Variants in FGD3 observed in about 807,000 individuals in gnomAD.
The protein encoded by FGD3 is FYVE, RhoGEF and PH domain containing 3.
A neutral mutation model predicts 71.8 loss-of-function variants in FGD3; 45 were observed. That is an observed-to-expected ratio of 0.63 (90% CI 0.49 to 0.80). The LOEUF is 0.80. Among genes scored for constraint, FGD3 ranks in the 30% least tolerant of loss-of-function variants. FGD3 has a pLI of 0.00. For missense variants in FGD3, 844 were observed against 951.5 expected (o/e 0.89, Z 1.49); for synonymous variants, 378 against 392.8 (o/e 0.96, Z 0.44).
chr9:93,034,689 T>A lies in FGD3; in HGVS notation c.1926+8T>A. On this transcript the variant is annotated splice_region_variant and intron_variant, in intron 17 of 17. Transcript: ENST00000375482. ...CTGCAGGGAGGCAGCCAGGTACGTG[T>A]CCCCACCCCACCAGGCCCTCAGGCC... The A allele has an allele frequency of 6.2e-7, 1 of 1,610,854 alleles. No individual in the cohort carries two copies. Among genetic ancestry groups the A allele is most frequent in the South Asian group, 1.1e-5 (1 of 90,714 alleles).
intron 14 of FGD3, among the ~76,000 whole-genome samples, chr9:93,023,872 G>T (rs1198819782): frequency 7.1e-6 from 1 of 141,238 alleles, no homozygotes; most frequent in African/African-American, 2.7e-5. Context: ...CACAATCTCA[G>T]CTCACTGCAA....
At chr9:92,957,237 A>T (rs1432890020) in intron 1 of FGD3, among the ~76,000 whole-genome samples, 2 of 152,230 alleles carry the variant, frequency 1.3e-5, no homozygotes, top group African/African-American at 4.8e-5. Flanking sequence ...TTGCTGGGTC[A>T]TAGAGAAGGT....
At chr9:92,982,741 T>C (rs1860045380) in intron 3 of FGD3, among the ~76,000 whole-genome samples, 1 of 152,052 alleles carries the variant, frequency 6.6e-6, no homozygotes, top group Admixed American at 6.6e-5. Context: ...TCCAACGTTA[T>C]CAGAAACCTG....
rs113145792 is a variant in FGD3, at chr9:93,010,369, C to T, written c.961C>T (p.Arg321Trp). 1.5e-3 allele frequency: 2,360 copies of T among 1,610,374 alleles called. 3 individuals carry two copies. The highest frequency in any genetic ancestry group is 1.4e-3 in the Non-Finnish European group (1,662 of 1,177,362). The change falls in exon 7 of 18, where the codon CGG (arginine) becomes TGG (tryptophan). Residue 321 changes from arginine to tryptophan, a missense_variant. Physicochemically the swap from Arg to Trp is moderately radical, Grantham distance 101. Coordinates refer to ENST00000375482, the MANE Select transcript of FGD3 (RefSeq NM_001083536.2). Reference sequence around the variant, plus strand: ...GAGGCTCCCGCAGGACGCCCCAGACCGGAAGGATGCGGAGAGTGAGCTGGG... The same window carrying T: ...GAGGCTCCCGCAGGACGCCCCAGACTGGAAGGATGCGGAGAGTGAGCTGGG... ...LKRLPQDAPD[R>W]KDAERSLELI...
chr9:93,032,883 C>T lies in FGD3; in HGVS notation c.1785+10C>T, dbSNP rs935605013. On this transcript the variant is annotated intron_variant, in intron 16 of 17. Transcript: ENST00000375482. ...CCCTGAGAGCACAGAGGTGGGTGCT[C>T]CCAGCTCCTGCTCCCCTCCTGGTGG... 17 of 1,612,582 alleles carry T rather than the reference C, an allele frequency of 1.1e-5. No homozygotes were observed. The highest frequency in any genetic ancestry group is 1.4e-5 in the Non-Finnish European group (16 of 1,178,670).
chr9:92,966,867 T>A (rs959087977), intron 1 of FGD3, among the ~76,000 whole-genome samples: 2 of 152,238 alleles, frequency 1.3e-5, no homozygotes, highest in African/African-American at 2.4e-5. Context: ...AAACTTCTCA[T>A]GAGAATCTTC....
chr9:93,004,363 C>T (rs1243640620), intron 5 of FGD3, among the ~76,000 whole-genome samples: 2 of 152,184 alleles, frequency 1.3e-5, no homozygotes, highest in East Asian at 1.9e-4. Context: ...GCAGATGATG[C>T]GGAATGAAGG....
intron 1 of FGD3, among the ~76,000 whole-genome samples, chr9:92,956,831 T>C (rs2118504771): frequency 7.4e-6 from 1 of 135,644 alleles, no homozygotes; most frequent in South Asian, 2.6e-4. Context: ...ATATAATTGC[T>C]TTCTTTCTTT....
rs1360797182 is a variant in FGD3 at position 93,020,630 on chromosome 9, T to A, written c.1494+206T>A. On this transcript the variant is annotated intron_variant, in intron 13 of 17. Coordinates refer to ENST00000375482, the MANE Select transcript of FGD3 (RefSeq NM_001083536.2). ...CAATTTAATTGAGCAAACAACTATTTGTGGATGGGATAACACCCACCCCCT... is the reference window on the plus strand; with the variant it reads ...CAATTTAATTGAGCAAACAACTATTAGTGGATGGGATAACACCCACCCCCT... 1.1e-5 allele frequency: 6 copies of A among 550,180 alleles called. No individual in the cohort carries two copies. In the African/African-American group the frequency reaches 1.1e-4, roughly 10 times the overall value. 34.1% of individuals were successfully genotyped at this position (550,180 alleles called of 1,614,324 possible).
Position 92,976,502 on chromosome 9 carries a change from C to T in FGD3, c.246C>T (p.Ser82=). 3 of 1,612,482 alleles carry T rather than the reference C, an allele frequency of 1.9e-6. No individual in the cohort carries two copies. The highest frequency in any genetic ancestry group is 2.2e-5 in the East Asian group (1 of 44,862). The stretch of plus-strand genomic sequence containing the variant: ...GGGACAGCGGGATCGACAGTCCCTC[C>T]TCCAGTGTGGCTGGAGAGAACTTTC... ...PNRDSGIDSP[S]SSVAGENFPC... The change falls in exon 3 of 18, where the codon TCC becomes TCT. Residue 82 remains serine, a synonymous_variant. Transcript: ENST00000375482.
intron 1 of FGD3, among the ~76,000 whole-genome samples, chr9:92,968,981 TG>T (rs537142611): frequency 2.3e-4 from 35 of 152,314 alleles, no homozygotes; most frequent in Middle Eastern, 6.8e-3. Context: ...TTGCTCACTG[TG>T]GGTGGCCTCA....
chr9:93,004,078 C>T lies in FGD3; in HGVS notation c.621C>T (p.Ile207=). The change falls in exon 5 of 18, where the codon ATC becomes ATT. Residue 207 remains isoleucine (I), a synonymous_variant. Transcript: ENST00000375482. The stretch of plus-strand genomic sequence containing the variant: ...GCATATTCTCTAACATCTCCTCCAT[C>T]CACCGCTTCCACGGGCAGTTCCTGC... The part of the protein sequence containing the change: ...IMGIFSNISS[I]HRFHGQFLLP... The T allele has an allele frequency of 6.2e-7, 1 of 1,614,214 alleles. No homozygotes were observed. Among genetic ancestry groups the T allele is most frequent in the Non-Finnish European group, 8.5e-7 (1 of 1,180,046 alleles).
chr9:92,976,467 A>G lies in FGD3; in HGVS notation c.211A>G (p.Ile71Val), dbSNP rs1564146763. 1 of 1,612,076 alleles carries G rather than the reference A, an allele frequency of 6.2e-7. No individual in the cohort carries two copies. Among genetic ancestry groups the G allele is most frequent in the East Asian group, 2.2e-5 (1 of 44,844 alleles). Residue 71 changes from isoleucine (I) to valine (V), a missense_variant, in exon 3 of 18, where the codon ATC becomes GTC. By Grantham distance (29) the Ile-to-Val change is conservative. Coordinates refer to ENST00000375482, the MANE Select transcript of FGD3 (RefSeq NM_001083536.2). ...PTGELSGSLK[I>V]PNRDSGIDSP... ...GGGAGAGCTGAGTGGTAGCTTAAAGATCCCCAACCGGGACAGCGGGATCGA... is the reference window on the plus strand; with the variant it reads ...GGGAGAGCTGAGTGGTAGCTTAAAGGTCCCCAACCGGGACAGCGGGATCGA...
chr9:92,987,558 G>C (rs547488435), intron 3 of FGD3, among the ~76,000 whole-genome samples: 7 of 152,308 alleles, frequency 4.6e-5, no homozygotes, highest in Admixed American at 3.9e-4. Context: ...GGGTGCCTCA[G>C]TTCTACTCAG....
At chr9:93,006,244 T>A in intron 6 of FGD3, 64 bp downstream of exon 6, 2 of 1,431,482 alleles carry the variant, frequency 1.4e-6, no homozygotes, top group Non-Finnish European at 1.8e-6. Context: ...TGGTGTTTTA[T>A]TTTTTAAAAA....
intron 6 of FGD3, among the ~76,000 whole-genome samples, chr9:93,006,753 G>A (rs1047253798): frequency 4.6e-5 from 7 of 151,050 alleles, no homozygotes; most frequent in South Asian, 4.2e-4. Context: ...TTGAGACAGA[G>A]TCTCACTCTG....
chr9:92,961,371 T>C (rs1035314105), intron 1 of FGD3, among the ~76,000 whole-genome samples: 1 of 152,094 alleles, frequency 6.6e-6, no homozygotes, highest in African/African-American at 2.4e-5. Flanking sequence ...ATAGCACCAA[T>C]GGATTGTCAC....
In FGD3 at chr9:93,021,696, C is replaced by T. The variant is rs923216870; in HGVS notation, c.1495-631C>T. On this transcript the variant is annotated intron_variant, in intron 13 of 17. Transcript: ENST00000375482. The stretch of plus-strand genomic sequence containing the variant: ...ATCCCAACTCCAGGCTGGTTCTGCC[C>T]TCCCTACCACCTCCAGGGGTCTGCC... Among the ~76,000 whole-genome samples, 12 of 152,298 alleles carry T rather than the reference C, an allele frequency of 7.9e-5. No homozygotes were observed. The East Asian group carries it at 2.3e-3, about 29-fold the overall frequency.
At chr9:92,960,788 CA>C (rs1325500628) in intron 1 of FGD3, among the ~76,000 whole-genome samples, 2 of 152,230 alleles carry the variant, frequency 1.3e-5, no homozygotes, top group Non-Finnish European at 2.9e-5. Flanking sequence ...GAAATTAGGC[CA>C]GGGGCTGCTG....
Sources: allele counts gnomAD v4.1 joint callset (sites outside exome capture counted in the v4.1 genomes callset), GRCh38; gene constraint gnomAD v4.1.1; transcripts MANE v1.5; gene names NCBI Gene and HGNC (gene_info 2026-07-23, HGNC 2026-07-21).